The following NR2E3 variants were observed in gnomAD, a reference collection of about 807,000 sequenced individuals.
NR2E3 encodes the protein nuclear receptor subfamily 2 group E member 3.
A neutral mutation model predicts 37.6 loss-of-function variants in NR2E3; 38 were observed. That is an observed-to-expected ratio of 1.01 (90% CI 0.78 to 1.33). The LOEUF (loss-of-function observed/expected upper bound fraction) is 1.33. NR2E3 is among the 40% of genes most tolerant of loss of function. NR2E3 has a pLI of 0.00. For missense variants in NR2E3, 562 were observed against 558.7 expected, an observed-to-expected ratio of 1.01 and a Z score of -0.06; for synonymous variants, 235 against 225.1, an observed-to-expected ratio of 1.04 and a Z score of -0.39.
intron 7 of NR2E3, among the ~76,000 whole-genome samples, chr15:71,815,104 G>T (rs1049883631): frequency 6.6e-6 from 1 of 152,220 alleles, no homozygotes; most frequent in Non-Finnish European, 1.5e-5. Context: ...GCTGCGCGAG[G>T]GTGGGGCAGG....
At chr15:71,816,617 C>T (rs1224510595) in intron 7 of NR2E3, among the ~76,000 whole-genome samples, 2 of 152,182 alleles carry the variant, frequency 1.3e-5, no homozygotes, top group African/African-American at 4.8e-5. Flanking sequence ...TCTCAGTCAC[C>T]AAAATTATCC....
rs778754527 is a variant in NR2E3 at position 71,810,796 on chromosome 15, C to G, written c.53C>G (p.Pro18Arg). 6.3e-7 allele frequency: 1 copy of G among 1,576,860 alleles called. No individual in the cohort carries two copies. Among genetic ancestry groups the G allele is most frequent in the Non-Finnish European group, 8.6e-7 (1 of 1,162,000 alleles). The change falls in exon 1 of 8, where the codon CCT becomes CGT. Residue 18 changes from proline (P) to arginine (R), a missense_variant. Transcript: ENST00000617575. ...AGCTCCACAGTGGCTGCAGCTGCGC[C>G]TGCAGCTGGGGCTGCCTCCAGGAAG... The part of the protein sequence containing the change: ...LMSSTVAAAA[P>R]AAGAASRKES...
rs1261697277 is a variant in NR2E3, at chr15:71,812,059, C to T, written c.454C>T (p.Pro152Ser). The T allele has an allele frequency of 2.6e-6, 4 of 1,553,042 alleles. No individual in the cohort carries two copies. Among genetic ancestry groups the T allele is most frequent in the South Asian group, 1.2e-5 (1 of 84,192 alleles). The change falls in exon 4 of 8, where the codon CCG becomes TCG. Residue 152 changes from proline (P) to serine (S), a missense_variant. Transcript: ENST00000617575. Reference sequence around the variant, plus strand: ...GGAGTCCCTGGTGGCTCCCCCGGCCCCGGCAGGGCGCAGCCCACGGGGCCC... The same window carrying T: ...GGAGTCCCTGGTGGCTCCCCCGGCCTCGGCAGGGCGCAGCCCACGGGGCCC... ...RPESLVAPPA[P>S]AGRSPRGPTP...
Position 71,810,639 on chromosome 15 carries a change from G to C in NR2E3, c.-105G>C, listed in dbSNP as rs2054170306. 4.0e-6 allele frequency: 6 copies of C among 1,505,428 alleles called. No homozygotes were observed. The East Asian group carries it at 1.2e-4, about 31-fold the overall frequency. 93.3% of individuals were successfully genotyped at this position (1,505,428 alleles called of 1,614,324 possible). A position where few individuals can be genotyped will look rare whatever the true frequency, so the allele number is the denominator to read the frequency against. On this transcript the variant is annotated 5_prime_UTR_variant, in exon 1 of 8. Transcript: ENST00000617575. Reference sequence around the variant, plus strand: ...TGAGTTCAGACAGAGTTCAGGAAGGGAGACAGGGGCACAGAGAGACAGAGG... The same window carrying C: ...TGAGTTCAGACAGAGTTCAGGAAGGCAGACAGGGGCACAGAGAGACAGAGG...
intron 7 of NR2E3, among the ~76,000 whole-genome samples, chr15:71,815,700 A>AT (rs1212053855): frequency 6.6e-6 from 1 of 152,236 alleles, no homozygotes; most frequent in Non-Finnish European, 1.5e-5. Flanking sequence ...ACACCCAGGA[A>AT]GAAACACAAT....
In NR2E3 at chr15:71,810,569, C is replaced by A; in HGVS notation, c.-175C>A. ...CTGCCCCGGGAGAAATCTCCTCAAG[C>A]CAGAGCCTGTGCTGTGAGGGGCTTC... On this transcript the variant is annotated 5_prime_UTR_variant, in exon 1 of 8. Coordinates refer to ENST00000617575, the MANE Select transcript of NR2E3 (RefSeq NM_014249.4). The A allele has an allele frequency of 1.1e-6, 1 of 907,624 alleles. No homozygotes were observed. Among genetic ancestry groups the A allele is most frequent in the Non-Finnish European group, 1.6e-6 (1 of 614,796 alleles). 56.2% of individuals were successfully genotyped at this position (907,624 alleles called of 1,614,324 possible).
chr15:71,817,560 A>G lies in NR2E3; in HGVS notation c.1109A>G (p.Lys370Arg). 1 of 1,593,762 alleles carries G rather than the reference A, an allele frequency of 6.3e-7. No homozygotes were observed. Among genetic ancestry groups the G allele is most frequent in the Non-Finnish European group, 8.6e-7 (1 of 1,163,786 alleles). ...TCCTCTCTCCTGTTCAGGTTTGGGA[A>G]ATTGCTCCTGCTCCTCCCGTCTTTG... ...HHPSQPVRFG[K>R]LLLLLPSLRF... The change falls in exon 8 of 8, where the codon AAA (lysine) becomes AGA (arginine). Residue 370 changes from lysine to arginine, a missense_variant. Lys to Arg is a conservative substitution (Grantham distance 26). Coordinates refer to ENST00000617575, the MANE Select transcript of NR2E3 (RefSeq NM_014249.4).
rs2054238900 is a variant in NR2E3 at position 71,817,766 on chromosome 15, A to G, written c.*82A>G. ...ACATTTGCCTACTCTTTGCCCCAGC[A>G]ATTCCTCGTAGGTGTGTGTACCCAG... On this transcript the variant is annotated 3_prime_UTR_variant, in exon 8 of 8. Coordinates refer to ENST00000617575, the MANE Select transcript of NR2E3 (RefSeq NM_014249.4). 7.4e-7 allele frequency: 1 copy of G among 1,352,994 alleles called. No homozygotes were observed. The highest frequency in any genetic ancestry group is 1.4e-5 in the African/African-American group (1 of 69,462). The allele number at this position is 1,352,994 out of a possible 1,614,324, so 83.8% of individuals were successfully genotyped here.
chr15:71,814,696 G>C, intron 7 of NR2E3: 3 of 986,956 alleles, frequency 3.0e-6, no homozygotes, highest in Non-Finnish European at 2.4e-6. Context: ...GCTACTGCAG[G>C]TTTCCGAGCA....
chr15:71,814,377 T>G (rs979477755), intron 7 of NR2E3: 2 of 1,256,596 alleles, frequency 1.6e-6, no homozygotes, highest in Non-Finnish European at 2.0e-6. Context: ...AGCCAGGTAC[T>G]GAGGGTTGCA....
chr15:71,811,941 T>C lies in NR2E3; in HGVS notation c.350-14T>C, dbSNP rs1177692472. 2 of 1,549,086 alleles carry C rather than the reference T, an allele frequency of 1.3e-6. No individual in the cohort carries two copies. Among genetic ancestry groups the C allele is most frequent in the South Asian group, 2.4e-5 (2 of 84,014 alleles). Reference sequence around the variant, plus strand: ...GGGACTGGCGTGTCGTCCTGACCCTTCCTGCCTCCCCAGCCGTGCAGAACG... The same window carrying C: ...GGGACTGGCGTGTCGTCCTGACCCTCCCTGCCTCCCCAGCCGTGCAGAACG... On this transcript the variant is annotated splice_polypyrimidine_tract_variant and intron_variant, in intron 3 of 7. Coordinates refer to ENST00000617575, the MANE Select transcript of NR2E3 (RefSeq NM_014249.4). The surrounding 1 kb of genome is among the most constrained non-coding windows in gnomAD (Gnocchi z 5.6).
rs2054171654 is a variant in NR2E3 at position 71,810,768 on chromosome 15, A to G, written c.25A>G (p.Met9Val). The change falls in exon 1 of 8, where the codon ATG becomes GTG. Residue 9 changes from methionine to valine, a missense_variant. Physicochemically the swap from Met to Val is conservative, Grantham distance 21. Coordinates refer to ENST00000617575, the MANE Select transcript of NR2E3 (RefSeq NM_014249.4). ...CATGGAGACCAGACCAACAGCTCTG[A>G]TGAGCTCCACAGTGGCTGCAGCTGC... METRPTAL[M>V]SSTVAAAAPA... 2 of 1,575,080 alleles carry G rather than the reference A, an allele frequency of 1.3e-6. No homozygotes were observed. The highest frequency in any genetic ancestry group is 8.6e-7 in the Non-Finnish European group (1 of 1,160,968).
chr15:71,816,195 C>T (rs564031118), intron 7 of NR2E3, among the ~76,000 whole-genome samples: 7 of 152,058 alleles, frequency 4.6e-5, no homozygotes, highest in Non-Finnish European at 1.0e-4. Context: ...TTAGTTCCCC[C>T]ATCTGTCTCT....
chr15:71,811,852 C>T lies in NR2E3; in HGVS notation c.332C>T (p.Ala111Val), dbSNP rs759381786. 25 of 1,551,060 alleles carry T rather than the reference C, an allele frequency of 1.6e-5. No homozygotes were observed. Among genetic ancestry groups the T allele is most frequent in the South Asian group, 7.1e-5 (6 of 84,064 alleles). The change falls in exon 3 of 8, where the codon GCG (alanine) becomes GTG (valine). Residue 111 changes from alanine (A) to valine (V), a missense_variant. Coordinates refer to ENST00000617575, the MANE Select transcript of NR2E3 (RefSeq NM_014249.4). The surrounding 1 kb of genome is among the most constrained non-coding windows in gnomAD (Gnocchi z 5.6). ...TGCCGGCTGAAGAAGTGCCTGCAGG[C>T]GGGGATGAACCAGGACGGTGAGGCG... ...QACRLKKCLQ[A>V]GMNQDAVQNE... is the part of the protein sequence containing the mutation.
chr15:71,815,516 C>A (rs370648143), intron 7 of NR2E3, among the ~76,000 whole-genome samples: 2 of 152,286 alleles, frequency 1.3e-5, no homozygotes, highest in East Asian at 1.9e-4. Flanking sequence ...CTGTTGGAAC[C>A]AACTCCCAGA....
Position 71,812,091 on chromosome 15 carries a change from C to T in NR2E3, c.486C>T (p.Pro162=). 1 of 1,554,986 alleles carries T rather than the reference C, an allele frequency of 6.4e-7. No homozygotes were observed. Among genetic ancestry groups the T allele is most frequent in the South Asian group, 1.2e-5 (1 of 84,370 alleles). Residue 162 remains proline, a synonymous_variant, in exon 4 of 8, where the codon CCC becomes CCT. Transcript: ENST00000617575. Reference sequence around the variant, plus strand: ...GGCGCAGCCCACGGGGCCCCACACCCATGTCTGCAGCCAGAGCCCTGGGCC... The same window carrying T: ...GGCGCAGCCCACGGGGCCCCACACCTATGTCTGCAGCCAGAGCCCTGGGCC... The part of the protein sequence containing the change: ...PAGRSPRGPT[P]MSAARALGHH...
chr15:71,814,307 C>T, intron 7 of NR2E3, 190 bp downstream of exon 7: 1 of 1,392,792 alleles, frequency 7.2e-7, no homozygotes, highest in Non-Finnish European at 9.3e-7. Context: ...GTACATAAGA[C>T]AAAGCTACTG....
intron 7 of NR2E3, 176 bp from the exon 8 acceptor site, chr15:71,817,376 G>A (rs1403505137): frequency 2.2e-5 from 15 of 695,890 alleles, no homozygotes; most frequent in African/African-American, 3.5e-5. Context: ...GGGATTACGG[G>A]CGTGAGCCAC....
At position 71,811,730 on chromosome 15, in the gene NR2E3, G is replaced by C. The variant is rs775509399; in HGVS notation, c.246-36G>C. On this transcript the variant is annotated intron_variant, in intron 2 of 7. Coordinates refer to ENST00000617575, the MANE Select transcript of NR2E3 (RefSeq NM_014249.4). This position sits in a 1 kb window ranked among gnomAD's most constrained non-coding sequence, Gnocchi z 5.6. ...AAGCCCATGGCTCAGGGCATGGGAG[G>C]GACACTGACCCCTGGGGTCTCCTCT... 1.9e-6 allele frequency: 3 copies of C among 1,545,688 alleles called. No homozygotes were observed. The highest frequency in any genetic ancestry group is 2.6e-6 in the Non-Finnish European group (3 of 1,142,182).
Sources: allele counts gnomAD v4.1 joint callset (sites outside exome capture counted in the v4.1 genomes callset), GRCh38; gene constraint gnomAD v4.1.1; non-coding constraint Gnocchi (gnomAD v3.1); transcripts MANE v1.5; gene names NCBI Gene and HGNC (gene_info 2026-07-23, HGNC 2026-07-21).